Variants in C2orf76 observed in about 807,000 individuals in gnomAD.
C2orf76 encodes the protein chromosome 2 open reading frame 76.
C2orf76 carries 23 observed loss-of-function variants against 16.9 expected under a neutral mutation model. The observed-to-expected ratio is 1.36, with a 90% CI of 0.98 to 1.93. The LOEUF (loss-of-function observed/expected upper bound fraction) is 1.93, where lower values mean the gene tolerates loss of function less well. Ranked by LOEUF, C2orf76 falls within the 30% of genes most tolerant of loss-of-function variation. The pLI is 0.00. For missense variants in C2orf76, 152 were observed against 152.6 expected (o/e 1.00, Z 0.02); for synonymous variants, 48 against 52.3 (o/e 0.92, Z 0.35).
At chr2:119,366,963 T>C (rs1681037072), upstream of C2orf76, 1 of 1,573,952 alleles carries the variant, frequency 6.4e-7, no homozygotes, top group African/African-American at 1.3e-5. Context: ...ACCGCGCCTC[T>C]AAAGGCGCTT....
intron 2 of C2orf76, 78 bp from the exon 3 acceptor site, chr2:119,321,282 CT>C: frequency 1.3e-6 from 1 of 793,580 alleles, no homozygotes. Context: ...TGGTTCTATT[CT>C]TTTCTATCTA....
At chr2:119,322,797 T>TA (rs1679387028) in intron 2 of C2orf76, among the ~76,000 whole-genome samples, 1 of 139,276 alleles carries the variant, frequency 7.2e-6, no homozygotes, top group African/African-American at 2.7e-5. Context: ...ACCTTTTGAG[T>TA]AAAAAGGGGG....
At chr2:119,338,181 AT>A (rs1292173678) in intron 2 of C2orf76, among the ~76,000 whole-genome samples, 3 of 152,198 alleles carry the variant, frequency 2.0e-5, no homozygotes, top group African/African-American at 7.2e-5. Flanking sequence ...TTAGCTAAGG[AT>A]TTTTTTTGAG....
chr2:119,294,389 T>C, the C2orf76 span, among the ~76,000 whole-genome samples: 4 of 152,062 alleles, frequency 2.6e-5, no homozygotes, highest in Non-Finnish European at 5.9e-5. Flanking sequence ...GGAATTTGGC[T>C]GTGAAGGGAA....
chr2:119,314,013 GGT>G (rs1491512850), intron 4 of C2orf76, among the ~76,000 whole-genome samples: 1 of 53,790 alleles, frequency 1.9e-5, no homozygotes, highest in Non-Finnish European at 3.6e-5. Flanking sequence ...TTTTCTCAGT[GGT>G]TTTTTTTTTT....
chr2:119,314,681 T>C (rs1007282747), intron 4 of C2orf76, among the ~76,000 whole-genome samples: 4 of 152,224 alleles, frequency 2.6e-5, no homozygotes, highest in African/African-American at 9.6e-5. Flanking sequence ...TTCTCCTGAT[T>C]ATTCTTATTT....
At chr2:119,301,375 A>G (rs139805307), downstream of C2orf76, among the ~76,000 whole-genome samples, 748 of 152,342 alleles carry the variant, frequency 4.9e-3, 5 homozygotes, top group African/African-American at 0.017. Context: ...TCAGAGTTTC[A>G]AAGTTGATTT....
At chr2:119,341,072 A>G (rs1170822137) in intron 1 of C2orf76, among the ~76,000 whole-genome samples, 2 of 152,172 alleles carry the variant, frequency 1.3e-5, no homozygotes, top group African/African-American at 4.8e-5. Context: ...ACTCGCACAC[A>G]CCATTCCAAT....
chr2:119,350,657 A>G (rs551375577), intron 1 of C2orf76, among the ~76,000 whole-genome samples: 2 of 152,196 alleles, frequency 1.3e-5, no homozygotes, highest in South Asian at 2.1e-4. Context: ...GGAGGGAAGC[A>G]TAGCTTGGAA....
At chr2:119,322,381 A>AT (rs906984032) in intron 2 of C2orf76, among the ~76,000 whole-genome samples, 6 of 151,742 alleles carry the variant, frequency 4.0e-5, no homozygotes, top group African/African-American at 1.5e-4. Context: ...AATTTTTTGT[A>AT]TTTTTTTGTG....
At chr2:119,365,151 G>A (rs1680892653) in intron 1 of C2orf76, among the ~76,000 whole-genome samples, 1 of 152,138 alleles carries the variant, frequency 6.6e-6, no homozygotes, top group Admixed American at 6.5e-5. Context: ...AGTGATAACT[G>A]CATTCTCAAA....
At chr2:119,333,524 T>C (rs988344396) in intron 2 of C2orf76, among the ~76,000 whole-genome samples, 17 of 152,332 alleles carry the variant, frequency 1.1e-4, no homozygotes, top group African/African-American at 3.6e-4. Flanking sequence ...TTTCCTGATG[T>C]GATGCAACAA....
intron 1 of C2orf76, among the ~76,000 whole-genome samples, chr2:119,342,751 GTTGTTTGT>G (rs112996931): frequency 6.6e-6 from 1 of 151,466 alleles, no homozygotes; most frequent in South Asian, 2.1e-4. Context: ...AGGTATATGG[GTTGTTTGT>G]TTGTTTGTTT....
At position 119,302,487 on chromosome 2, in the gene C2orf76, G is replaced by A; in HGVS notation, c.366C>T (p.Pro122=). The change falls in exon 6 of 6, where the codon CCC becomes CCT. Residue 122 remains proline, a synonymous_variant. Transcript: ENST00000334816. ...EEDYKNYKAN[P]ISSW Reference sequence around the variant, plus strand: ...CGAGATGTTTTCACCAGGATGAAATGGGATTAGCTTTGTAGTTCTTATAAT... The same window carrying A: ...CGAGATGTTTTCACCAGGATGAAATAGGATTAGCTTTGTAGTTCTTATAAT... 7.0e-7 allele frequency: 1 copy of A among 1,432,772 alleles called. No individual in the cohort carries two copies. Among genetic ancestry groups the A allele is most frequent in the Non-Finnish European group, 9.6e-7 (1 of 1,039,180 alleles). The allele number at this position is 1,432,772 out of a possible 1,614,324, so 88.8% of individuals were successfully genotyped here.
intron 2 of C2orf76, among the ~76,000 whole-genome samples, chr2:119,327,234 C>G (rs1044335289): frequency 9.2e-5 from 14 of 151,554 alleles, no homozygotes; most frequent in African/African-American, 3.4e-4. Context: ...TTATTCCTAG[C>G]TTGAAAAGAG....
At chr2:119,295,474 C>G in the C2orf76 span, among the ~76,000 whole-genome samples, 1 of 152,136 alleles carries the variant, frequency 6.6e-6, no homozygotes, top group Non-Finnish European at 1.5e-5. Flanking sequence ...TCTTACTGCT[C>G]TCATTCCCCA....
intron 1 of C2orf76, among the ~76,000 whole-genome samples, chr2:119,345,840 T>C (rs1393298642): frequency 1.3e-5 from 2 of 151,904 alleles, no homozygotes; most frequent in Non-Finnish European, 2.9e-5. Context: ...GGCCCGCGGA[T>C]CACAAGGTCA....
chr2:119,361,075 A>C (rs759495220), intron 1 of C2orf76, among the ~76,000 whole-genome samples: 8 of 152,176 alleles, frequency 5.3e-5, no homozygotes, highest in Non-Finnish European at 1.0e-4. Context: ...CAATGTATTG[A>C]TTGTGTTATG....
the C2orf76 span, among the ~76,000 whole-genome samples, chr2:119,284,598 A>G: frequency 1.3e-5 from 2 of 152,004 alleles, no homozygotes; most frequent in Non-Finnish European, 2.9e-5. Context: ...TCCTGTTACT[A>G]TACGGAAACA....
Sources: gnomAD v4.1 joint callset for allele counts (sites outside exome capture counted in the v4.1 genomes callset) on GRCh38, gnomAD v4.1.1 for gene constraint, MANE v1.5 for transcripts, NCBI Gene and HGNC (gene_info 2026-07-23, HGNC 2026-07-21) for gene names.